MFHAS1: variants seen among roughly 807,000 people sequenced by gnomAD.
The protein encoded by MFHAS1 is multifunctional ROCO family signaling regulator 1.
In MFHAS1, 50 loss-of-function variants were observed where a neutral mutation model predicts 70.4. The ratio of observed to expected loss-of-function variants is 0.71; its 90% CI spans 0.57 to 0.90. The LOEUF (loss-of-function observed/expected upper bound fraction) is 0.90, where lower values mean the gene tolerates loss of function less well. Among genes scored for constraint, MFHAS1 ranks in the 40% least tolerant of loss-of-function variants. The pLI, the probability that MFHAS1 is intolerant of heterozygous loss-of-function variation, is 0.00. For synonymous variants in MFHAS1, 952 were observed against 620.0 expected (o/e 1.54, Z -7.96); for missense variants, 1,795 against 1,347.6 (o/e 1.33, Z -5.20).
chr8:8,872,836 C>G (rs147378726), intron 1 of MFHAS1, among the ~76,000 whole-genome samples: 1 of 152,126 alleles, frequency 6.6e-6, no homozygotes, highest in African/African-American at 2.4e-5. Context: ...AGAGCATGCA[C>G]ATGTGTGTTT....
intron 1 of MFHAS1, among the ~76,000 whole-genome samples, chr8:8,833,425 T>C (rs1335603554): frequency 2.0e-5 from 3 of 151,920 alleles, no homozygotes; most frequent in Non-Finnish European, 2.9e-5. Context: ...GGCCAGGAGT[T>C]CAAGACCAGC....
chr8:8,798,001 G>C (rs1330534964), intron 1 of MFHAS1, among the ~76,000 whole-genome samples: 2 of 152,200 alleles, frequency 1.3e-5, no homozygotes, highest in East Asian at 3.8e-4. Flanking sequence ...GATCAGCCCA[G>C]CCTCCTCTGG....
At chr8:8,888,078 A>G (rs918309254) in intron 1 of MFHAS1, among the ~76,000 whole-genome samples, 99 of 152,326 alleles carry the variant, frequency 6.5e-4, no homozygotes, top group African/African-American at 2.3e-3. Flanking sequence ...ACAATAAAGA[A>G]GTATCTTGCT....
intron 1 of MFHAS1, among the ~76,000 whole-genome samples, chr8:8,879,348 T>C (rs1809419287): frequency 6.6e-6 from 1 of 151,120 alleles, no homozygotes; most frequent in Non-Finnish European, 1.5e-5. Flanking sequence ...GAGACTCCCA[T>C]CTCAAAAAAA....
chr8:8,790,800 A>G (rs1805695263), intron 2 of MFHAS1, among the ~76,000 whole-genome samples: 1 of 152,204 alleles, frequency 6.6e-6, no homozygotes, highest in Non-Finnish European at 1.5e-5. Flanking sequence ...ATTTGGTGAT[A>G]TAAAGGCTAC....
chr8:8,801,961 G>A (rs1184032701), intron 1 of MFHAS1, among the ~76,000 whole-genome samples: 2 of 152,234 alleles, frequency 1.3e-5, no homozygotes, highest in Non-Finnish European at 2.9e-5. Context: ...GAAGGACCCA[G>A]CAACTTTTGT....
chr8:8,852,219 T>C (rs1263752090), intron 1 of MFHAS1, among the ~76,000 whole-genome samples: 10 of 152,168 alleles, frequency 6.6e-5, no homozygotes, highest in Non-Finnish European at 1.5e-4. Flanking sequence ...GACTCACACC[T>C]GTAATCACAT....
At chr8:8,796,124 C>T (rs1388731831) in intron 2 of MFHAS1, among the ~76,000 whole-genome samples, 1 of 152,120 alleles carries the variant, frequency 6.6e-6, no homozygotes, top group African/African-American at 2.4e-5. Flanking sequence ...ACATAAAACC[C>T]AAACCAACAG....
chr8:8,866,014 G>C (rs1039836588), intron 1 of MFHAS1, among the ~76,000 whole-genome samples: 1 of 152,210 alleles, frequency 6.6e-6, no homozygotes, highest in Non-Finnish European at 1.5e-5. Context: ...CTCAAACAGA[G>C]GTGATGACAG....
chr8:8,812,387 G>A (rs897944750), intron 1 of MFHAS1, among the ~76,000 whole-genome samples: 3 of 152,136 alleles, frequency 2.0e-5, no homozygotes, highest in East Asian at 1.9e-4. Context: ...CCAGGGTGGT[G>A]GGCACATCTC....
In MFHAS1 at chr8:8,837,544, G is replaced by A. The variant is rs546496430; in HGVS notation, c.2999-40053C>T. ...ATACTCCCAAGCTACTCGAGAGGCT[G>A]AGGCACAAGAATTCCTTGAACCCAG... On this transcript the variant is annotated intron_variant, in intron 1 of 2. Transcript: ENST00000276282. Among the ~76,000 whole-genome samples the A allele has an allele frequency of 1.3e-4, 20 of 152,150 alleles. No homozygotes were observed. In the South Asian group the frequency reaches 3.9e-3, roughly 30 times the overall value.
chr8:8,787,371 C>T (rs939406183), intron 2 of MFHAS1, among the ~76,000 whole-genome samples: 5 of 152,112 alleles, frequency 3.3e-5, no homozygotes, highest in Admixed American at 2.0e-4. Flanking sequence ...TGAGCCACTG[C>T]GCCCGGCCTC....
chr8:8,858,207 G>T (rs1213038083), intron 1 of MFHAS1, among the ~76,000 whole-genome samples: 1 of 152,176 alleles, frequency 6.6e-6, no homozygotes, highest in Admixed American at 6.5e-5. Context: ...AAATTGTTTA[G>T]TAAGTGCCCA....
chr8:8,891,962 C>T lies in MFHAS1; in HGVS notation c.1097G>A (p.Arg366Gln). 3 of 1,612,054 alleles carry T rather than the reference C, an allele frequency of 1.9e-6. No homozygotes were observed. The highest frequency in any genetic ancestry group is 2.5e-6 in the Non-Finnish European group (3 of 1,179,110). ...GTCTTTGATCTTCCACAAACCCACC[C>T]GGGAGAGCTGGCCAAAGTGGTCGGG... Reference protein sequence around the residue: ...VLPDHFGQLSRVGLWKIKDNP... With the variant: ...VLPDHFGQLSQVGLWKIKDNP... Residue 366 changes from arginine (R) to glutamine (Q), a missense_variant, in exon 1 of 3, where the codon CGG becomes CAG. Physicochemically the swap from Arg to Gln is conservative, Grantham distance 43 (BLOSUM62 1). Coordinates refer to ENST00000276282, the MANE Select transcript of MFHAS1 (RefSeq NM_004225.3). The surrounding 1 kb of genome is among the most constrained non-coding windows in gnomAD (Gnocchi z 5.4).
intron 1 of MFHAS1, among the ~76,000 whole-genome samples, chr8:8,823,680 A>C (rs934289846): frequency 2.0e-5 from 3 of 150,396 alleles, no homozygotes; most frequent in African/African-American, 7.3e-5. Flanking sequence ...CCACTTCCCT[A>C]ATTCTCCCGT....
At chr8:8,865,754 C>A (rs554351794) in intron 1 of MFHAS1, among the ~76,000 whole-genome samples, 11 of 152,292 alleles carry the variant, frequency 7.2e-5, no homozygotes, top group African/African-American at 2.6e-4. Context: ...CCACTTAGTC[C>A]AACTATTTTT....
At chr8:8,833,099 G>T (rs1379838313) in intron 1 of MFHAS1, among the ~76,000 whole-genome samples, 1 of 152,116 alleles carries the variant, frequency 6.6e-6, no homozygotes, top group Non-Finnish European at 1.5e-5. Context: ...AAGGGAAGGT[G>T]CCACACACTT....
Position 8,892,887 on chromosome 8 carries a change from G to A in MFHAS1, c.172C>T (p.Leu58=), listed in dbSNP as rs747529173. Residue 58 remains leucine (L), a synonymous_variant, in exon 1 of 3, where the codon CTG becomes TTG. Coordinates refer to ENST00000276282, the MANE Select transcript of MFHAS1 (RefSeq NM_004225.3). The surrounding 1 kb of genome is among the most constrained non-coding windows in gnomAD (Gnocchi z 4.7). ...TCAATGTCCCCGAGGTTGGCCGGCA[G>A]CACGAGCTGGGGGGAGGCGGGGGAC... ...LESPASPQLV[L]PANLGDIEAL... is the part of the protein sequence containing the mutation. The A allele has an allele frequency of 6.3e-7, 1 of 1,582,698 alleles. No homozygotes were observed. Among genetic ancestry groups the A allele is most frequent in the Non-Finnish European group, 8.6e-7 (1 of 1,166,632 alleles).
chr8:8,887,530 T>C (rs1364928411), intron 1 of MFHAS1, among the ~76,000 whole-genome samples: 1 of 150,630 alleles, frequency 6.6e-6, no homozygotes, highest in Non-Finnish European at 1.5e-5. Flanking sequence ...AATATGTACG[T>C]TGGTGTATAT....
Sources: gnomAD v4.1 joint callset for allele counts (sites outside exome capture counted in the v4.1 genomes callset) on GRCh38, gnomAD v4.1.1 for gene constraint, Gnocchi (gnomAD v3.1) non-coding constraint, MANE v1.5 for transcripts, NCBI Gene and HGNC (gene_info 2026-07-23, HGNC 2026-07-21) for gene names.